The following MYO5B variants were observed in gnomAD, a reference collection of about 807,000 sequenced individuals.
The protein encoded by MYO5B is unconventional myosin-Vb.
In MYO5B, 143 loss-of-function variants were observed where a neutral mutation model predicts 229.3. That is an observed-to-expected ratio of 0.62 (90% CI 0.54 to 0.72). The LOEUF is 0.72. Among genes scored for constraint, MYO5B ranks in the 30% least tolerant of loss-of-function variants. MYO5B has a pLI of 0.00. For missense variants in MYO5B, 2,321 were observed against 2,331.0 expected (o/e 1.00, Z 0.09); for synonymous variants, 918 against 885.2 (o/e 1.04, Z -0.66).
rs1045789974 is a variant in MYO5B, at chr18:49,875,595, T to G, written c.3537+92A>C. 5 of 1,552,730 alleles carry G rather than the reference T, an allele frequency of 3.2e-6. No homozygotes were observed. In the African/African-American group the frequency reaches 6.8e-5, roughly 21 times the overall value. Reference sequence around the variant, plus strand: ...GAGACTTAGCAGGAGCACAATCCCATGTGGTCACACATGCCACATGAGCCC... The same window carrying G: ...GAGACTTAGCAGGAGCACAATCCCAGGTGGTCACACATGCCACATGAGCCC... On this transcript the variant is annotated intron_variant, in intron 26 of 39. Coordinates refer to ENST00000285039, the MANE Select transcript of MYO5B (RefSeq NM_001080467.3).
intron 39 of MYO5B, among the ~76,000 whole-genome samples, chr18:49,830,312 A>G (rs1445130380): frequency 6.6e-6 from 1 of 152,188 alleles, no homozygotes; most frequent in East Asian, 1.9e-4. Context: ...AGAATAAAAT[A>G]CTTAGGAATA....
At chr18:49,981,513 T>C (rs1188224783) in intron 8 of MYO5B, among the ~76,000 whole-genome samples, 3 of 152,260 alleles carry the variant, frequency 2.0e-5, no homozygotes, top group Admixed American at 2.0e-4. Context: ...TTATGTTAGA[T>C]GGCCACTACC....
Position 50,040,147 on chromosome 18 carries a change from G to A in MYO5B, c.306C>T (p.Tyr102=), listed in dbSNP as rs756336342. The change falls in exon 3 of 40, where the codon TAC becomes TAT. Residue 102 remains tyrosine, a synonymous_variant. Transcript: ENST00000285039. The part of the protein sequence containing the change: ...RFLESNHIYT[Y]CGIVLVAINP... ...CAACAGATGCCCCCCACTTACCACAGTAAGTGTAGATATGGTTGGACTCCA... is the reference window on the plus strand; with the variant it reads ...CAACAGATGCCCCCCACTTACCACAATAAGTGTAGATATGGTTGGACTCCA... The A allele has an allele frequency of 7.4e-6, 12 of 1,614,138 alleles. No homozygotes were observed. The highest frequency in any genetic ancestry group is 1.0e-5 in the Non-Finnish European group (12 of 1,180,018).
intron 27 of MYO5B, among the ~76,000 whole-genome samples, chr18:49,869,760 C>G (rs998891060): frequency 5.3e-5 from 8 of 151,784 alleles, no homozygotes; most frequent in African/African-American, 1.9e-4. Flanking sequence ...CCTTGCAGGG[C>G]TTGTTAAAAG....
chr18:50,047,328 C>A (rs900916881), intron 2 of MYO5B, among the ~76,000 whole-genome samples: 13 of 152,220 alleles, frequency 8.5e-5, no homozygotes, highest in African/African-American at 3.1e-4. Flanking sequence ...AACCAAAAAA[C>A]ACATGAAAAG....
intron 21 of MYO5B, among the ~76,000 whole-genome samples, chr18:49,897,437 A>C (rs551643594): frequency 6.6e-6 from 1 of 152,386 alleles, no homozygotes; most frequent in Admixed American, 6.5e-5. Context: ...AAAGTAAAAA[A>C]AAATTTTTAA....
chr18:49,839,993 C>T (rs1266528593), intron 35 of MYO5B: 1 of 152,876 alleles, frequency 6.5e-6, no homozygotes, highest in African/African-American at 2.4e-5. Flanking sequence ...AATACAAAGC[C>T]ATCTTAATAT....
At chr18:49,996,121 A>G (rs942958034) in intron 5 of MYO5B, among the ~76,000 whole-genome samples, 4 of 152,260 alleles carry the variant, frequency 2.6e-5, no homozygotes, top group African/African-American at 4.8e-5. Context: ...ATCTGAGATC[A>G]TTCCTTGTGA....
intron 31 of MYO5B, chr18:49,850,514 C>G (rs774626245): frequency 6.6e-6 from 1 of 152,204 alleles, no homozygotes. Flanking sequence ...AGAAGCAAAT[C>G]TTTAAAAATA....
chr18:49,826,026 G>C lies in MYO5B; in HGVS notation c.*445C>G, dbSNP rs2023839682. The C allele has an allele frequency of 4.9e-6, 1 of 204,954 alleles. No homozygotes were observed. Among genetic ancestry groups the C allele is most frequent in the Admixed American group, 5.3e-5 (1 of 18,936 alleles). 12.7% of individuals were successfully genotyped at this position (204,954 alleles called of 1,614,324 possible). A position where few individuals can be genotyped will look rare whatever the true frequency, so the allele number is the denominator to read the frequency against. On this transcript the variant is annotated 3_prime_UTR_variant, in exon 40 of 40. Transcript: ENST00000285039. ...GGTTTGCAAACTTTGGGAAATGTCA[G>C]TATATGCCATTATCATGGTTATTAG...
intron 1 of MYO5B, among the ~76,000 whole-genome samples, chr18:50,100,259 T>C (rs2031630132): frequency 6.6e-6 from 1 of 152,246 alleles, no homozygotes; most frequent in African/African-American, 2.4e-5. Context: ...ATGAGACATC[T>C]GCTTCTGCTA....
At chr18:50,000,665 G>C (rs1209481869) in intron 5 of MYO5B, among the ~76,000 whole-genome samples, 1 of 152,142 alleles carries the variant, frequency 6.6e-6, no homozygotes, top group African/African-American at 2.4e-5. Context: ...CCCTAGTCCA[G>C]CCCCTATCAT....
At chr18:49,944,121 T>C (rs556754240) in intron 14 of MYO5B, among the ~76,000 whole-genome samples, 2 of 152,288 alleles carry the variant, frequency 1.3e-5, no homozygotes, top group East Asian at 3.9e-4. Context: ...AGGGTTAAAA[T>C]AACAGGGGCT....
At chr18:50,064,887 A>G (rs1317114800) in intron 1 of MYO5B, among the ~76,000 whole-genome samples, 1 of 152,232 alleles carries the variant, frequency 6.6e-6, no homozygotes, top group Non-Finnish European at 1.5e-5. Flanking sequence ...CTCTTCTGCG[A>G]ACCACTTCAC....
intron 4 of MYO5B, among the ~76,000 whole-genome samples, chr18:50,031,069 T>A (rs2026383439): frequency 6.6e-6 from 1 of 152,104 alleles, no homozygotes; most frequent in African/African-American, 2.4e-5. Flanking sequence ...GGGACCAGAA[T>A]CTGCTCTGTT....
intron 22 of MYO5B, among the ~76,000 whole-genome samples, chr18:49,891,439 C>T (rs1358130588): frequency 6.6e-6 from 1 of 152,158 alleles, no homozygotes; most frequent in African/African-American, 2.4e-5. Context: ...CATTTAAGCT[C>T]CTTAAGAACG....
chr18:49,950,662 AT>A (rs1196790421), intron 14 of MYO5B, among the ~76,000 whole-genome samples: 3 of 152,192 alleles, frequency 2.0e-5, no homozygotes, highest in Non-Finnish European at 4.4e-5. Context: ...ATGTACCAAC[AT>A]GCAGAATAGG....
At chr18:50,037,120 T>A (rs1598970254) in intron 3 of MYO5B, 126 bp from the exon 4 acceptor site, 2 of 1,004,846 alleles carry the variant, frequency 2.0e-6, no homozygotes, top group East Asian at 2.6e-5. Context: ...GAACCAGTCT[T>A]AACCAATCAA....
At chr18:50,019,547 C>T (rs557087953) in intron 4 of MYO5B, among the ~76,000 whole-genome samples, 6 of 152,350 alleles carry the variant, frequency 3.9e-5, no homozygotes, top group African/African-American at 1.2e-4. Flanking sequence ...TCACACAAAA[C>T]TAAATTGCCA....
Sources: gnomAD v4.1 joint callset for allele counts (sites outside exome capture counted in the v4.1 genomes callset) on GRCh38, gnomAD v4.1.1 for gene constraint, MANE v1.5 for transcripts, NCBI Gene and HGNC (gene_info 2026-07-23, HGNC 2026-07-21) for gene names.